ARRB1: variants seen among roughly 807,000 people sequenced by gnomAD.
ARRB1 encodes arrestin beta 1, also known as beta-arrestin-1.
In ARRB1, 21 loss-of-function variants were observed where a neutral mutation model predicts 56.8. The ratio of observed to expected loss-of-function variants is 0.37; its 90% CI spans 0.26 to 0.53. ARRB1 has a LOEUF of 0.53. Among genes scored for constraint, ARRB1 ranks in the 20% least tolerant of loss-of-function variants. The pLI is 0.88. For missense variants in ARRB1, 424 were observed against 553.7 expected (o/e 0.77, Z 2.35); for synonymous variants, 210 against 218.6 (o/e 0.96, Z 0.35).
At chr11:75,297,825 AC>A (rs1243007622) in intron 1 of ARRB1, among the ~76,000 whole-genome samples, 12 of 125,018 alleles carry the variant, frequency 9.6e-5, no homozygotes, top group African/African-American at 3.7e-4. Flanking sequence ...AGATCATGCC[AC>A]TGCACTCCAG....
chr11:75,333,371 C>A (rs1354405935), intron 1 of ARRB1, among the ~76,000 whole-genome samples: 1 of 152,196 alleles, frequency 6.6e-6, no homozygotes, highest in East Asian at 1.9e-4. Context: ...TCTTTGGGCC[C>A]AGTGCAGCTT....
chr11:75,279,514 C>T (rs1445924604), intron 7 of ARRB1, among the ~76,000 whole-genome samples: 1 of 152,190 alleles, frequency 6.6e-6, no homozygotes, highest in Non-Finnish European at 1.5e-5. Flanking sequence ...AAGCTGCCTC[C>T]ATTGCCTGTA....
chr11:75,345,678 T>C (rs1947756502), intron 1 of ARRB1, among the ~76,000 whole-genome samples: 1 of 152,206 alleles, frequency 6.6e-6, no homozygotes, highest in Non-Finnish European at 1.5e-5. Flanking sequence ...CCCATGCTAA[T>C]AGGAGTGGTA....
chr11:75,272,979 C>T lies in ARRB1; in HGVS notation c.915-1G>A. On this transcript the variant is annotated splice_acceptor_variant, in intron 11 of 15. Transcript: ENST00000420843. LOFTEE classifies it high-confidence loss of function. ...CTCACGGTTGGCACCTTCCCTCAAC[C>T]TGCAAAGTGACACAGGGGAGCCAGT... The T allele has an allele frequency of 6.2e-7, 1 of 1,613,914 alleles. No individual in the cohort carries two copies. Among genetic ancestry groups the T allele is most frequent in the Non-Finnish European group, 8.5e-7 (1 of 1,179,866 alleles).
chr11:75,311,237 G>T (rs1160589237), intron 1 of ARRB1, among the ~76,000 whole-genome samples: 1 of 152,220 alleles, frequency 6.6e-6, no homozygotes, highest in Non-Finnish European at 1.5e-5. Flanking sequence ...TTGGGAAGCT[G>T]GGGCAGGAGA....
chr11:75,314,234 A>T (rs1947223219), intron 1 of ARRB1, among the ~76,000 whole-genome samples: 1 of 152,244 alleles, frequency 6.6e-6, no homozygotes, highest in African/African-American at 2.4e-5. Flanking sequence ...TAAGGAAGGG[A>T]TAGGGCCAGG....
intron 5 of ARRB1, among the ~76,000 whole-genome samples, 185 bp downstream of exon 5, chr11:75,283,102 C>G (rs995132276): frequency 6.6e-6 from 1 of 152,204 alleles, no homozygotes; most frequent in East Asian, 1.9e-4. Context: ...GTGACAAACC[C>G]CAGCAGGGGC....
chr11:75,331,331 C>A (rs547074016), intron 1 of ARRB1, among the ~76,000 whole-genome samples: 1 of 151,810 alleles, frequency 6.6e-6, no homozygotes, highest in African/African-American at 2.4e-5. Context: ...TTTTTTTTTA[C>A]CTTGCCCAAA....
At position 75,265,867 on chromosome 11, in the gene ARRB1, TCAAGTCCAATTC is replaced by T. The variant is rs1945895257; in HGVS notation, c.*284_*295del. ...CATCCTCCCCTGTCTGCTCCCCATCTCAAGTCCAATTCCAAGGCCAGAGCCCTGGCAGCTTTT... is the reference window on the plus strand; with the variant it reads ...CATCCTCCCCTGTCTGCTCCCCATCTCAAGGCCAGAGCCCTGGCAGCTTTT... On this transcript the variant is annotated 3_prime_UTR_variant, in exon 16 of 16. Coordinates refer to ENST00000420843, the MANE Select transcript of ARRB1 (RefSeq NM_004041.5). The T allele has an allele frequency of 2.4e-6, 1 of 422,148 alleles. No individual in the cohort carries two copies. The highest frequency in any genetic ancestry group is 4.4e-6 in the Non-Finnish European group (1 of 227,060). The allele number at this position is 422,148 out of a possible 1,614,324, so 26.2% of individuals were successfully genotyped here.
intron 1 of ARRB1, among the ~76,000 whole-genome samples, chr11:75,330,936 C>T (rs969358685): frequency 2.0e-5 from 3 of 152,214 alleles, no homozygotes; most frequent in African/African-American, 4.8e-5. Flanking sequence ...CCGTGTCCCC[C>T]GTGCCAGACA....
chr11:75,281,169 G>A (rs1208105392), intron 6 of ARRB1, 27 bp from the exon 7 acceptor site: 1 of 1,578,070 alleles, frequency 6.3e-7, no homozygotes. Flanking sequence ...ACTGACCACA[G>A]GGCCTTGGAG....
At chr11:75,349,077 C>T (rs1158587334) in intron 1 of ARRB1, among the ~76,000 whole-genome samples, 1 of 152,210 alleles carries the variant, frequency 6.6e-6, no homozygotes, top group Admixed American at 6.5e-5. Flanking sequence ...CATAGGTACT[C>T]ATGCCTTACG....
rs559702405 is a variant in ARRB1, at chr11:75,313,095, G to A, written c.21-23056C>T. Among the ~76,000 whole-genome samples the A allele has an allele frequency of 3.3e-5, 5 of 152,304 alleles. No individual in the cohort carries two copies. The South Asian group carries it at 1.0e-3, about 32-fold the overall frequency. On this transcript the variant is annotated intron_variant, in intron 1 of 15. Transcript: ENST00000420843. ...AGGCCAGGTGTGGTGGCTCACACCTGTAATCCCAGCACTTTGGGAGGCCAA... is the reference window on the plus strand; with the variant it reads ...AGGCCAGGTGTGGTGGCTCACACCTATAATCCCAGCACTTTGGGAGGCCAA...
chr11:75,274,337 C>T, intron 10 of ARRB1, 126 bp from the exon 11 acceptor site: 1 of 1,396,380 alleles, frequency 7.2e-7, no homozygotes, highest in Non-Finnish European at 9.7e-7. Context: ...CTCTGTCCCC[C>T]AGACACACGG....
Position 75,277,450 on chromosome 11 carries a change from TG to T in ARRB1, c.619-3del. On this transcript the variant is annotated splice_polypyrimidine_tract_variant and splice_region_variant and intron_variant, in intron 8 of 15. Transcript: ENST00000420843. Reference sequence around the variant, plus strand: ...GATGGGTTCTCCATGGTAATAGATCTGGGGGGCATAAGAAGGGACGGGGTTG... The same window carrying T: ...GATGGGTTCTCCATGGTAATAGATCTGGGGGCATAAGAAGGGACGGGGTTG... 1 of 1,613,918 alleles carries T rather than the reference TG, an allele frequency of 6.2e-7. No homozygotes were observed. Among genetic ancestry groups the T allele is most frequent in the Non-Finnish European group, 8.5e-7 (1 of 1,179,890 alleles).
At chr11:75,336,064 T>C (rs148335621) in intron 1 of ARRB1, among the ~76,000 whole-genome samples, 4 of 152,100 alleles carry the variant, frequency 2.6e-5, no homozygotes, top group African/African-American at 4.8e-5. Flanking sequence ...TGCTCTCCCA[T>C]CTCGCAGCCC....
rs80222059 is a variant in ARRB1, at chr11:75,320,580, A to T, written c.21-30541T>A. Among the ~76,000 whole-genome samples the T allele has an allele frequency of 4.4e-3, 669 of 152,280 alleles. 12 individuals are homozygous for T. The highest frequency in any genetic ancestry group is 0.031 in the Admixed American group (482 of 15,308). On this transcript the variant is annotated intron_variant, in intron 1 of 15. Transcript: ENST00000420843. ...AGGGCCTGCTCAGCTCTGTTCCCGC[A>T]AGGGCTGAAGGCTCCAGGAGGAAGA...
Position 75,289,998 on chromosome 11 carries a change from T to A in ARRB1, c.51+11A>T. 2 of 1,614,214 alleles carry A rather than the reference T, an allele frequency of 1.2e-6. No homozygotes were observed. The highest frequency in any genetic ancestry group is 1.7e-6 in the Non-Finnish European group (2 of 1,180,034). ...TCAGGGAGGCGCTGGGCGCAGCTGT[T>A]ACAGACTCACCTTTCCATTTGGACT... is the stretch of plus-strand genomic sequence containing the variant. On this transcript the variant is annotated intron_variant, in intron 2 of 15. Transcript: ENST00000420843.
chr11:75,342,725 G>A (rs538159617), intron 1 of ARRB1, among the ~76,000 whole-genome samples: 5 of 152,298 alleles, frequency 3.3e-5, no homozygotes, highest in East Asian at 3.9e-4. Flanking sequence ...TCCAGAGGCC[G>A]GGAGAGAATG....
Sources: allele counts gnomAD v4.1 joint callset (sites outside exome capture counted in the v4.1 genomes callset), GRCh38; gene constraint gnomAD v4.1.1; transcripts MANE v1.5; gene names NCBI Gene and HGNC (gene_info 2026-07-23, HGNC 2026-07-21).